Variants in RSRP1 observed in about 807,000 individuals in gnomAD.
RSRP1 encodes the protein arginine and serine rich protein 1.
A neutral mutation model predicts 33.0 loss-of-function variants in RSRP1; 37 were observed. That is an observed-to-expected ratio of 1.12 (90% CI 0.86 to 1.48). RSRP1 has a LOEUF of 1.48. RSRP1 is among the 40% of genes most tolerant of loss of function. The pLI, the probability that RSRP1 is intolerant of heterozygous loss-of-function variation, is 0.00. For missense variants in RSRP1, 402 were observed against 385.3 expected (o/e 1.04, Z -0.36); for synonymous variants, 167 against 158.7 (o/e 1.05, Z -0.40).
At chr1:25,291,343 C>A (rs1256851728) in intron 1 of RSRP1, among the ~76,000 whole-genome samples, 1 of 131,302 alleles carries the variant, frequency 7.6e-6, no homozygotes. Flanking sequence ...GTGGCAGGCG[C>A]CTGTAATCCC....
At chr1:25,312,189 G>A (rs531759832) in intron 1 of RSRP1, among the ~76,000 whole-genome samples, 1,259 of 96,140 alleles carry the variant, frequency 0.013, 119 homozygotes, top group African/African-American at 0.042. Context: ...AAGGTTTAAT[G>A]TTGTTTTCTA....
At position 25,246,663 on chromosome 1, in the gene RSRP1, T is replaced by A. The variant is rs770214630; in HGVS notation, c.301A>T (p.Thr101Ser). The A allele has an allele frequency of 1.9e-6, 3 of 1,613,588 alleles. No homozygotes were observed. The East Asian group carries it at 6.7e-5, about 36-fold the overall frequency. ...GAAGGAGACCGGTAGTATCTCCTGG[T>A]GAACCCGTAGCGCCTCTCTCGGTAA... is the stretch of plus-strand genomic sequence containing the variant. ...RRYRERRYGFTRRYYRSPSRY... is the reference protein window; with the variant it reads ...RRYRERRYGFSRRYYRSPSRY... Residue 101 changes from threonine (T) to serine (S), a missense_variant, in exon 2 of 5, where the codon ACC (threonine) becomes TCC (serine). Thr to Ser is a moderately conservative substitution (Grantham distance 58, BLOSUM62 1). Transcript: ENST00000243189.
Position 25,283,358 on chromosome 1 carries a change from C to T in RSRP1, c.-66-36329G>A, listed in dbSNP as rs781124328. Among the ~76,000 whole-genome samples, 11 of 131,102 alleles carry T rather than the reference C, an allele frequency of 8.4e-5. 3 individuals are homozygous for T. The highest frequency in any genetic ancestry group is 1.8e-4 in the Non-Finnish European group (10 of 55,498). The allele number at this position is 131,102 out of a possible 152,430, so 86.0% of individuals were successfully genotyped here. A position where few individuals can be genotyped will look rare whatever the true frequency, so the allele number is the denominator to read the frequency against. On this transcript the variant is annotated intron_variant, in intron 1 of 1. Transcript: ENST00000561867. Reference sequence around the variant, plus strand: ...CCAGCTTGGCCAACATAGCGAAACCCCTTCTCTATTAAAAATACAAAAATT... The same window carrying T: ...CCAGCTTGGCCAACATAGCGAAACCTCTTCTCTATTAAAAATACAAAAATT...
chr1:25,271,106 G>A (rs1640492002), intron 1 of RSRP1, among the ~76,000 whole-genome samples: 2 of 132,058 alleles, frequency 1.5e-5, no homozygotes, highest in Non-Finnish European at 3.6e-5. Flanking sequence ...TTCATGTCCT[G>A]TAGTTTTCTT....
intron 1 of RSRP1, among the ~76,000 whole-genome samples, chr1:25,255,174 T>C (rs560914333): frequency 9.2e-5 from 14 of 152,278 alleles, no homozygotes; most frequent in Admixed American, 6.5e-4. Context: ...CTGGAGAATG[T>C]CAACTGGGTC....
intron 1 of RSRP1, among the ~76,000 whole-genome samples, chr1:25,308,054 T>C: frequency 8.4e-6 from 1 of 119,474 alleles, no homozygotes. Flanking sequence ...AAAAAGCCAG[T>C]GAAGGAAGGG....
rs1480305845 is a variant in RSRP1, at chr1:25,246,784, G to A, written c.180C>T (p.Ser60=). The A allele has an allele frequency of 1.2e-6, 2 of 1,613,246 alleles. No individual in the cohort carries two copies. The highest frequency in any genetic ancestry group is 1.7e-5 in the Admixed American group (1 of 60,016). Residue 60 remains serine, a synonymous_variant, in exon 2 of 5, where the codon AGC becomes AGT. Coordinates refer to ENST00000243189, the MANE Select transcript of RSRP1 (RefSeq NM_020317.5). ...GCCTTCGGGAACGGGACCTGGACTT[G>A]CTCCTCCGACTCCTGGACGAAAACC... ...SSRFSSRSRR[S]KSRSRSRRRH...
chr1:25,260,951 G>A (rs1489655732), intron 1 of RSRP1, among the ~76,000 whole-genome samples: 32 of 151,828 alleles, frequency 2.1e-4, no homozygotes, highest in African/African-American at 6.5e-4. Context: ...ACAGGTGCCC[G>A]CCATCATGTC....
At chr1:25,312,961 G>C (rs1405914418) in intron 1 of RSRP1, among the ~76,000 whole-genome samples, 1 of 31,744 alleles carries the variant, frequency 3.2e-5, no homozygotes, top group African/African-American at 6.5e-5. Context: ...AAAAACTTTA[G>C]TGCTATTGGA....
At chr1:25,290,554 A>AGAAT (rs112473736) in intron 1 of RSRP1, 22,281 of 1,099,784 alleles carry the variant, frequency 0.02, 3,279 homozygotes, top group African/African-American at 0.09. Flanking sequence ...GTTTGTTGAA[A>AGAAT]GAATGAATGA....
intron 1 of RSRP1, among the ~76,000 whole-genome samples, chr1:25,323,713 G>C (rs202154122): frequency 0.18 from 20,879 of 114,742 alleles, 4,686 homozygotes; most frequent in Admixed American, 0.24. Context: ...CTCCTGCCTT[G>C]GCCTCTCAAA....
intron 1 of RSRP1, among the ~76,000 whole-genome samples, chr1:25,324,768 G>T (rs1644882039): frequency 6.7e-6 from 1 of 148,898 alleles, no homozygotes; most frequent in Admixed American, 6.6e-5. Flanking sequence ...TGTCGCCCAG[G>T]TGCGGTGGCT....
At chr1:25,284,819 A>T in intron 1 of RSRP1, 1 of 1,317,950 alleles carries the variant, frequency 7.6e-7, no homozygotes. Context: ...CCGAAAGGAC[A>T]GGTTCCAGAA....
intron 1 of RSRP1, chr1:25,267,800 A>G (rs1249856889): frequency 3.0e-5 from 4 of 131,324 alleles, no homozygotes; most frequent in Admixed American, 2.2e-4. Context: ...CAGCACACAG[A>G]GCAACTTCTC....
chr1:25,256,542 A>C (rs925175279), intron 1 of RSRP1, among the ~76,000 whole-genome samples: 3 of 152,120 alleles, frequency 2.0e-5, no homozygotes, highest in African/African-American at 4.8e-5. Context: ...CTACAGCCTC[A>C]ACCTTCCAGG....
At chr1:25,318,746 G>T (rs1360663479) in intron 1 of RSRP1, among the ~76,000 whole-genome samples, 2 of 132,620 alleles carry the variant, frequency 1.5e-5, no homozygotes, top group African/African-American at 5.1e-5. Flanking sequence ...GTTGTGTGAC[G>T]TTGGGCATGT....
upstream of RSRP1, among the ~76,000 whole-genome samples, chr1:25,250,090 G>T (rs1490789323): frequency 1.3e-5 from 2 of 152,078 alleles, no homozygotes; most frequent in African/African-American, 4.8e-5. Flanking sequence ...TAGGGGAGGG[G>T]GGTTTAACTG....
intron 1 of RSRP1, chr1:25,307,628 G>A: frequency 9.5e-7 from 1 of 1,052,750 alleles, no homozygotes; most frequent in Non-Finnish European, 1.4e-6. Context: ...TGAGATTTAA[G>A]AGAAGTTATC....
chr1:25,246,497 T>A lies in RSRP1; in HGVS notation c.467A>T (p.Asp156Val), dbSNP rs1467087831. Residue 156 changes from aspartate to valine, a missense_variant, in exon 2 of 5, where the codon GAC becomes GTC. Coordinates refer to ENST00000243189, the MANE Select transcript of RSRP1 (RefSeq NM_020317.5). ...GCTCCGCGACCTCGTCCTGGATCTGTCCCTCCATCTGCTGTGCTCCTCCGG... is the reference window on the plus strand; with the variant it reads ...GCTCCGCGACCTCGTCCTGGATCTGACCCTCCATCTGCTGTGCTCCTCCGG... Reference protein sequence around the residue: ...VYPEEHSRWRDRSRTRSRSRT... With the variant: ...VYPEEHSRWRVRSRTRSRSRT... The A allele has an allele frequency of 6.2e-7, 1 of 1,614,232 alleles. No individual in the cohort carries two copies. The highest frequency in any genetic ancestry group is 1.1e-5 in the South Asian group (1 of 91,086).
Sources: gnomAD v4.1 joint callset for allele counts (sites outside exome capture counted in the v4.1 genomes callset) on GRCh38, gnomAD v4.1.1 for gene constraint, MANE v1.5 for transcripts, NCBI Gene and HGNC (gene_info 2026-07-23, HGNC 2026-07-21) for gene names.